The following PIK3C2G variants were observed in gnomAD, a reference collection of about 807,000 sequenced individuals.
PIK3C2G encodes the protein phosphatidylinositol 3-kinase C2 domain-containing subunit gamma.
PIK3C2G carries 168 observed loss-of-function variants against 181.1 expected under a neutral mutation model. That is an observed-to-expected ratio of 0.93 (90% CI 0.82 to 1.05). The LOEUF (loss-of-function observed/expected upper bound fraction) is 1.05. PIK3C2G is among the 50% of genes least tolerant of loss of function. The pLI, the probability that PIK3C2G is intolerant of heterozygous loss-of-function variation, is 0.00. For synonymous variants in PIK3C2G, 573 were observed against 592.2 expected (o/e 0.97, Z 0.47); for missense variants, 1,869 against 1,732.8 (o/e 1.08, Z -1.40).
intron 22 of PIK3C2G, among the ~76,000 whole-genome samples, chr12:18,499,947 C>T (rs1020544557): frequency 6.6e-6 from 1 of 152,254 alleles, no homozygotes; most frequent in African/African-American, 2.4e-5. Context: ...TGCGTTTTCA[C>T]ACTGCTATAA....
At chr12:18,719,718 C>T in the PIK3C2G span, 1 of 882,700 alleles carries the variant, frequency 1.1e-6, no homozygotes. Context: ...TAAACTTACT[C>T]AGTAGTAGAG....
At chr12:18,464,780 T>C (rs576496687) in intron 18 of PIK3C2G, among the ~76,000 whole-genome samples, 1 of 152,212 alleles carries the variant, frequency 6.6e-6, no homozygotes, top group African/African-American at 2.4e-5. Context: ...AATTCTAGTT[T>C]GTTAGTTTTC....
chr12:18,701,008 G>T, the PIK3C2G span, among the ~76,000 whole-genome samples: 2 of 150,074 alleles, frequency 1.3e-5, no homozygotes, highest in Non-Finnish European at 3.0e-5. Context: ...TTTGAAACAG[G>T]ATCTCTCATT....
At chr12:18,405,792 C>A (rs547674330) in intron 16 of PIK3C2G, among the ~76,000 whole-genome samples, 1 of 151,964 alleles carries the variant, frequency 6.6e-6, no homozygotes, top group Non-Finnish European at 1.5e-5. Context: ...TTATGTGGTA[C>A]AATATAATCT....
At chr12:18,595,768 GA>G (rs776016151) in intron 30 of PIK3C2G, among the ~76,000 whole-genome samples, 10 of 152,082 alleles carry the variant, frequency 6.6e-5, no homozygotes, top group Non-Finnish European at 1.3e-4. Context: ...CCACTGTCTT[GA>G]AATTCTTAAT....
At chr12:18,406,126 A>G (rs1944515932) in intron 16 of PIK3C2G, among the ~76,000 whole-genome samples, 1 of 152,106 alleles carries the variant, frequency 6.6e-6, no homozygotes, top group Non-Finnish European at 1.5e-5. Flanking sequence ...TGAGATTATT[A>G]AAATATTTGT....
chr12:18,280,838 C>A (rs189588944), intron 1 of PIK3C2G, among the ~76,000 whole-genome samples: 3 of 149,454 alleles, frequency 2.0e-5, no homozygotes, highest in Non-Finnish European at 3.0e-5. Flanking sequence ...CTTTAAATGA[C>A]AATTATGGTA....
chr12:18,664,506 A>G, the PIK3C2G span, among the ~76,000 whole-genome samples: 1 of 152,196 alleles, frequency 6.6e-6, no homozygotes, highest in African/African-American at 2.4e-5. Flanking sequence ...GCTAAGTGAA[A>G]TAAGAAAAAT....
At chr12:18,439,876 T>G (rs1335107154) in intron 18 of PIK3C2G, among the ~76,000 whole-genome samples, 3 of 152,090 alleles carry the variant, frequency 2.0e-5, no homozygotes, top group African/African-American at 7.2e-5. Context: ...ACAGGATACA[T>G]TTGTAAAATA....
chr12:18,451,668 T>C (rs1461872132), intron 18 of PIK3C2G, among the ~76,000 whole-genome samples: 1 of 152,200 alleles, frequency 6.6e-6, no homozygotes, highest in Non-Finnish European at 1.5e-5. Context: ...TCAAAGGAAA[T>C]ACTTCCAGCT....
At chr12:18,290,356 T>C (rs987453784) in intron 3 of PIK3C2G, among the ~76,000 whole-genome samples, 4 of 152,208 alleles carry the variant, frequency 2.6e-5, no homozygotes, top group Admixed American at 6.5e-5. Context: ...CAAGTAGTTG[T>C]GTAGTATCCA....
At chr12:18,362,075 C>A (rs903874520) in intron 11 of PIK3C2G, among the ~76,000 whole-genome samples, 33 of 152,118 alleles carry the variant, frequency 2.2e-4, no homozygotes, top group African/African-American at 7.7e-4. Flanking sequence ...CTGATAGTAG[C>A]CCCAAAACTG....
chr12:18,263,659 T>G (rs898736793), intron 1 of PIK3C2G, among the ~76,000 whole-genome samples: 1 of 152,170 alleles, frequency 6.6e-6, no homozygotes, highest in Non-Finnish European at 1.5e-5. Context: ...CCTGAATTAC[T>G]TTTTCCAATA....
chr12:18,269,715 T>C (rs1399138845), intron 1 of PIK3C2G, among the ~76,000 whole-genome samples: 1 of 152,144 alleles, frequency 6.6e-6, no homozygotes, highest in Non-Finnish European at 1.5e-5. Context: ...TAACTAACAA[T>C]AATGCTTACG....
chr12:18,272,675 G>A (rs1321709678), intron 1 of PIK3C2G, among the ~76,000 whole-genome samples: 1 of 149,940 alleles, frequency 6.7e-6, no homozygotes, highest in Non-Finnish European at 1.5e-5. Flanking sequence ...ATGAATGTGT[G>A]TCATGTGAAT....
In PIK3C2G at chr12:18,578,765, A is replaced by G. The variant is rs138839967; in HGVS notation, c.4011+11708A>G. ...TTTATGTAGTCTATATGCCATAAAT[A>G]TTTTTACTATTTTAAGTGATATGAA... is the stretch of plus-strand genomic sequence containing the variant. On this transcript the variant is annotated intron_variant, in intron 29 of 32. Transcript: ENST00000538779. Among the ~76,000 whole-genome samples, 823 of 152,170 alleles carry G rather than the reference A, an allele frequency of 5.4e-3. 10 individuals are homozygous for G. Among genetic ancestry groups the G allele is most frequent in the African/African-American group, 0.019 (782 of 41,510 alleles).
chr12:18,324,626 A>C (rs541117151), intron 7 of PIK3C2G, among the ~76,000 whole-genome samples: 1 of 152,348 alleles, frequency 6.6e-6, no homozygotes, highest in Admixed American at 6.5e-5. Context: ...AACCCCATCT[A>C]TTATAAATAT....
intron 17 of PIK3C2G, among the ~76,000 whole-genome samples, chr12:18,422,560 A>C (rs1448954251): frequency 6.6e-6 from 1 of 152,126 alleles, no homozygotes; most frequent in Non-Finnish European, 1.5e-5. Flanking sequence ...GAGTCAAATA[A>C]GACCCAGACC....
chr12:18,420,092 C>A (rs571648217), intron 16 of PIK3C2G, among the ~76,000 whole-genome samples: 3 of 151,976 alleles, frequency 2.0e-5, no homozygotes, highest in African/African-American at 7.2e-5. Context: ...TTAAATTATG[C>A]TTGTTAATTT....
Sources: allele counts gnomAD v4.1 joint callset (sites outside exome capture counted in the v4.1 genomes callset), GRCh38; gene constraint gnomAD v4.1.1; transcripts MANE v1.5; gene names NCBI Gene and HGNC (gene_info 2026-07-23, HGNC 2026-07-21).